Variants in NAALADL2 observed in about 807,000 individuals in gnomAD.
The protein encoded by NAALADL2 is inactive N-acetylated-alpha-linked acidic dipeptidase-like protein 2.
A neutral mutation model predicts 87.2 loss-of-function variants in NAALADL2; 76 were observed. The ratio of observed to expected loss-of-function variants is 0.87; its 90% CI spans 0.72 to 1.05. The LOEUF (loss-of-function observed/expected upper bound fraction) is 1.05. Among genes scored for constraint, NAALADL2 ranks in the 50% least tolerant of loss-of-function variants. NAALADL2 has a pLI of 0.00. For missense variants in NAALADL2, 1,089 were observed against 945.8 expected, an observed-to-expected ratio of 1.15 and a Z score of -1.99; for synonymous variants, 354 against 331.0, an observed-to-expected ratio of 1.07 and a Z score of -0.75.
In NAALADL2 at chr3:175,367,081, T is replaced by C. The variant is rs1765693278; in HGVS notation, c.1090+42756T>C. 2.0e-5 allele frequency among the ~76,000 whole-genome samples: 3 copies of C among 151,372 alleles called. No homozygotes were observed. In the South Asian group the frequency reaches 6.2e-4, roughly 31 times the overall value. Reference sequence around the variant, plus strand: ...CCAGTTTCAGCTTTCTACATATGGCTAGCCAGTTTTCCCAGCACCATTTAT... The same window carrying C: ...CCAGTTTCAGCTTTCTACATATGGCCAGCCAGTTTTCCCAGCACCATTTAT... On this transcript the variant is annotated intron_variant, in intron 5 of 13. Coordinates refer to ENST00000454872, the MANE Select transcript of NAALADL2 (RefSeq NM_207015.3).
intron 2 of NAALADL2, among the ~76,000 whole-genome samples, chr3:175,203,167 A>C (rs1314521287): frequency 1.3e-5 from 2 of 151,950 alleles, no homozygotes; most frequent in Admixed American, 1.3e-4. Flanking sequence ...CATTCAAATA[A>C]TTGTTACAAA....
intron 13 of NAALADL2, among the ~76,000 whole-genome samples, chr3:175,757,020 TTGTG>T (rs1159588703): frequency 1.3e-5 from 2 of 151,334 alleles, no homozygotes; most frequent in South Asian, 2.1e-4. Context: ...ATGTGTGTGT[TTGTG>T]TGTATGTGTA....
chr3:175,772,990 T>C (rs1448930066), intron 13 of NAALADL2, among the ~76,000 whole-genome samples: 1 of 152,140 alleles, frequency 6.6e-6, no homozygotes, highest in Non-Finnish European at 1.5e-5. Flanking sequence ...AAAAGGTTTG[T>C]GTTATTGTTC....
chr3:174,797,774 A>G (rs186780376), intron 3 of NAALADL2, among the ~76,000 whole-genome samples: 1 of 152,278 alleles, frequency 6.6e-6, no homozygotes, highest in African/African-American at 2.4e-5. Flanking sequence ...AAGCCAAATT[A>G]TATCTGATAA....
intron 9 of NAALADL2, among the ~76,000 whole-genome samples, chr3:175,527,612 A>G (rs889707054): frequency 6.6e-6 from 1 of 152,180 alleles, no homozygotes; most frequent in African/African-American, 2.4e-5. Flanking sequence ...GCATTTTAAC[A>G]TCCCCCTCAC....
intron 2 of NAALADL2, among the ~76,000 whole-genome samples, chr3:174,621,396 G>A (rs1720978395): frequency 6.6e-6 from 1 of 152,062 alleles, no homozygotes; most frequent in Non-Finnish European, 1.5e-5. Context: ...ACTGGGACTT[G>A]ATCCATCATC....
chr3:175,720,254 A>C (rs1359388326), intron 11 of NAALADL2, among the ~76,000 whole-genome samples: 2 of 152,158 alleles, frequency 1.3e-5, no homozygotes. Context: ...GAAATTATTA[A>C]ATAATTTTAA....
At chr3:175,253,336 A>C (rs967637089) in intron 3 of NAALADL2, among the ~76,000 whole-genome samples, 2 of 152,162 alleles carry the variant, frequency 1.3e-5, no homozygotes, top group Non-Finnish European at 2.9e-5. Context: ...AACAACAAAG[A>C]CTGGATAACA....
At chr3:175,117,508 A>G (rs1185643279) in intron 2 of NAALADL2, among the ~76,000 whole-genome samples, 2 of 152,148 alleles carry the variant, frequency 1.3e-5, no homozygotes, top group Non-Finnish European at 2.9e-5. Context: ...AGACACATGA[A>G]AAAATGCTCA....
chr3:174,879,057 G>A (rs1487933676), intron 1 of NAALADL2, among the ~76,000 whole-genome samples: 1 of 151,312 alleles, frequency 6.6e-6, no homozygotes, highest in African/African-American at 2.4e-5. Context: ...TACAGGACAA[G>A]CCAAAACAAC....
intron 13 of NAALADL2, among the ~76,000 whole-genome samples, chr3:175,794,511 A>G (rs1042442942): frequency 3.3e-5 from 5 of 152,228 alleles, no homozygotes; most frequent in East Asian, 1.9e-4. Context: ...ATACAAAAAT[A>G]TAAGTTTTCT....
At chr3:174,761,895 T>C (rs1376649459) in intron 3 of NAALADL2, among the ~76,000 whole-genome samples, 1 of 151,958 alleles carries the variant, frequency 6.6e-6, no homozygotes, top group Non-Finnish European at 1.5e-5. Context: ...TTTTTGCAAT[T>C]ACTTTTAATG....
At chr3:175,743,167 A>G (rs1214855890) in intron 12 of NAALADL2, among the ~76,000 whole-genome samples, 1 of 151,872 alleles carries the variant, frequency 6.6e-6, no homozygotes, top group Non-Finnish European at 1.5e-5. Context: ...TGCCCAGCTA[A>G]TTTTTGTATT....
intron 9 of NAALADL2, among the ~76,000 whole-genome samples, chr3:175,486,945 A>G (rs1160577187): frequency 6.6e-6 from 1 of 152,112 alleles, no homozygotes. Context: ...CCCATCTAAG[A>G]TGATTTCAGT....
intron 4 of NAALADL2, among the ~76,000 whole-genome samples, chr3:175,297,966 G>A (rs1756589185): frequency 6.6e-6 from 1 of 152,134 alleles, no homozygotes; most frequent in Non-Finnish European, 1.5e-5. Context: ...GCTGAAAGGA[G>A]TTGCATATTC....
At chr3:175,417,782 C>A (rs901030712) in intron 5 of NAALADL2, among the ~76,000 whole-genome samples, 2 of 152,048 alleles carry the variant, frequency 1.3e-5, no homozygotes, top group Admixed American at 1.3e-4. Flanking sequence ...ATCTTTTACC[C>A]AACATTCTGA....
At chr3:174,884,540 A>G (rs1364818143) in intron 1 of NAALADL2, among the ~76,000 whole-genome samples, 1 of 152,148 alleles carries the variant, frequency 6.6e-6, no homozygotes, top group African/African-American at 2.4e-5. Context: ...ATGATCGTGG[A>G]TAAGACATTC....
intron 4 of NAALADL2, among the ~76,000 whole-genome samples, chr3:175,305,831 C>A (rs890712514): frequency 3.3e-5 from 5 of 152,108 alleles, no homozygotes; most frequent in Non-Finnish European, 1.5e-5. Flanking sequence ...GTATTTATTT[C>A]TTTAATGTTT....
chr3:174,923,241 G>T (rs901879328), intron 1 of NAALADL2, among the ~76,000 whole-genome samples: 14 of 152,222 alleles, frequency 9.2e-5, no homozygotes, highest in Middle Eastern at 3.4e-3. Context: ...ATAAAGTGTA[G>T]TTAGTAGCTC....
Sources: allele counts gnomAD v4.1 joint callset (sites outside exome capture counted in the v4.1 genomes callset), GRCh38; gene constraint gnomAD v4.1.1; transcripts MANE v1.5; gene names NCBI Gene and HGNC (gene_info 2026-07-23, HGNC 2026-07-21).